MACROD2: variants seen among roughly 807,000 people sequenced by gnomAD.
MACROD2 encodes the protein mono-ADP ribosylhydrolase 2.
In MACROD2, 36 loss-of-function variants were observed where a neutral mutation model predicts 70.4. The ratio of observed to expected loss-of-function variants is 0.51; its 90% CI spans 0.39 to 0.68. The LOEUF is 0.68. Among genes scored for constraint, MACROD2 ranks in the 30% least tolerant of loss-of-function variants. MACROD2 has a pLI of 0.00. For synonymous variants in MACROD2, 172 were observed against 178.8 expected (o/e 0.96, Z 0.30); for missense variants, 496 against 538.4 (o/e 0.92, Z 0.78).
At chr20:15,741,591 A>G (rs1458216051) in intron 8 of MACROD2, among the ~76,000 whole-genome samples, 1 of 152,016 alleles carries the variant, frequency 6.6e-6, no homozygotes, top group Non-Finnish European at 1.5e-5. Flanking sequence ...CTTTGTTCAG[A>G]TGACACATTT....
intron 4 of MACROD2, among the ~76,000 whole-genome samples, chr20:14,509,275 A>C (rs17812707): frequency 6.6e-6 from 1 of 151,830 alleles, no homozygotes; most frequent in Non-Finnish European, 1.5e-5. Flanking sequence ...TACATTTACA[A>C]TTTTTTAATT....
intron 3 of MACROD2, among the ~76,000 whole-genome samples, chr20:14,196,701 T>C (rs1185716153): frequency 6.6e-6 from 1 of 152,234 alleles, no homozygotes; most frequent in Admixed American, 6.5e-5. Flanking sequence ...GAAATACGGC[T>C]CACATGCTTT....
intron 8 of MACROD2, among the ~76,000 whole-genome samples, chr20:15,842,426 C>G (rs139751754): frequency 6.7e-6 from 1 of 150,296 alleles, no homozygotes; most frequent in African/African-American, 2.4e-5. Context: ...GACCCAGAAC[C>G]AATGAGCCAA....
At chr20:14,117,058 T>A (rs6110170) in intron 3 of MACROD2, among the ~76,000 whole-genome samples, 5,059 of 68,310 alleles carry the variant, frequency 0.074, 231 homozygotes, top group African/African-American at 0.2. Context: ...AGAACAAGAC[T>A]CCATCTCAAA....
chr20:14,543,949 C>A (rs2085462391), intron 4 of MACROD2, among the ~76,000 whole-genome samples: 1 of 152,084 alleles, frequency 6.6e-6, no homozygotes, highest in Non-Finnish European at 1.5e-5. Flanking sequence ...TAGTAGACCC[C>A]AAGTCAGTCA....
chr20:16,027,283 T>C (rs1265060781), intron 15 of MACROD2, among the ~76,000 whole-genome samples: 1 of 151,984 alleles, frequency 6.6e-6, no homozygotes, highest in African/African-American at 2.4e-5. Flanking sequence ...CAAGATTATT[T>C]CTTGGATGCA....
chr20:15,931,429 G>T lies in MACROD2; in HGVS notation c.776-1847G>T, dbSNP rs184617141. On this transcript the variant is annotated intron_variant, in intron 10 of 17. Coordinates refer to ENST00000684519, the MANE Select transcript of MACROD2 (RefSeq NM_001351661.2). ...GGCTAAGGTGGGAGGATTGCTTTAG[G>T]CCAGGAGTTCAAAACCAGCCTAGGC... Among the ~76,000 whole-genome samples, 5 of 151,994 alleles carry T rather than the reference G, an allele frequency of 3.3e-5. No individual in the cohort carries two copies. In the East Asian group the frequency reaches 9.7e-4, roughly 29 times the overall value.
intron 3 of MACROD2, among the ~76,000 whole-genome samples, chr20:14,390,301 A>T (rs1214934916): frequency 3.3e-5 from 5 of 152,072 alleles, no homozygotes; most frequent in Non-Finnish European, 5.9e-5. Flanking sequence ...GAATCAATAT[A>T]AAAAAGACCA....
intron 5 of MACROD2, among the ~76,000 whole-genome samples, chr20:15,134,725 A>G (rs1274907223): frequency 6.6e-6 from 1 of 152,148 alleles, no homozygotes; most frequent in Non-Finnish European, 1.5e-5. Flanking sequence ...ATCAGAGCAG[A>G]ACTGAAGGAA....
At chr20:15,296,565 T>C (rs954281147) in intron 6 of MACROD2, among the ~76,000 whole-genome samples, 1 of 152,162 alleles carries the variant, frequency 6.6e-6, no homozygotes, top group Non-Finnish European at 1.5e-5. Flanking sequence ...GGCATTTTAA[T>C]TTTGTGTATA....
At chr20:14,305,986 TTCTC>T (rs1568547085) in intron 3 of MACROD2, among the ~76,000 whole-genome samples, 2 of 123,092 alleles carry the variant, frequency 1.6e-5, no homozygotes, top group African/African-American at 5.9e-5. Flanking sequence ...AAAACTAACA[TTCTC>T]TCTTCTGTCT....
chr20:15,966,644 G>C (rs1267609569), intron 12 of MACROD2, among the ~76,000 whole-genome samples: 1 of 152,168 alleles, frequency 6.6e-6, no homozygotes, highest in African/African-American at 2.4e-5. Context: ...ACAGAGGCCA[G>C]AACAGGAGGA....
chr20:15,190,885 G>A (rs927897398), intron 5 of MACROD2, among the ~76,000 whole-genome samples: 3 of 152,170 alleles, frequency 2.0e-5, no homozygotes, highest in Admixed American at 6.5e-5. Flanking sequence ...TCATGTTTAA[G>A]AGTCATATAG....
At chr20:14,321,478 A>C (rs2082660042) in intron 3 of MACROD2, among the ~76,000 whole-genome samples, 1 of 152,356 alleles carries the variant, frequency 6.6e-6, no homozygotes, top group East Asian at 1.9e-4. Flanking sequence ...CTAATTTAAC[A>C]AAAAGTCCCA....
intron 4 of MACROD2, among the ~76,000 whole-genome samples, chr20:14,646,180 T>C (rs1346210398): frequency 6.6e-6 from 1 of 151,958 alleles, no homozygotes; most frequent in Non-Finnish European, 1.5e-5. Context: ...TGAATTACAA[T>C]GCAATTTTCT....
At chr20:15,034,189 A>G (rs527276493) in intron 5 of MACROD2, among the ~76,000 whole-genome samples, 1 of 152,324 alleles carries the variant, frequency 6.6e-6, no homozygotes, top group East Asian at 1.9e-4. Flanking sequence ...AATTAAGAAG[A>G]CATTATTGCA....
At chr20:14,349,057 G>A (rs2083093023) in intron 3 of MACROD2, among the ~76,000 whole-genome samples, 1 of 151,918 alleles carries the variant, frequency 6.6e-6, no homozygotes, top group Non-Finnish European at 1.5e-5. Context: ...AACAGAATGA[G>A]GCCCTGTCTC....
intron 2 of MACROD2, among the ~76,000 whole-genome samples, chr20:14,077,288 T>G (rs2148664293): frequency 6.6e-6 from 1 of 152,264 alleles, no homozygotes; most frequent in East Asian, 1.9e-4. Context: ...TCATATGACA[T>G]AAAGAAACTA....
intron 3 of MACROD2, among the ~76,000 whole-genome samples, chr20:14,337,053 C>T (rs564427801): frequency 3.5e-4 from 54 of 152,312 alleles, no homozygotes; most frequent in African/African-American, 1.2e-3. Context: ...CAGTACACAC[C>T]AAGTTGCTTT....
Sources: allele counts gnomAD v4.1 joint callset (sites outside exome capture counted in the v4.1 genomes callset), GRCh38; gene constraint gnomAD v4.1.1; transcripts MANE v1.5; gene names NCBI Gene and HGNC (gene_info 2026-07-23, HGNC 2026-07-21).